Variants in GPC5 observed in about 807,000 individuals in gnomAD.
GPC5 encodes glypican-5.
Under a neutral mutation model 53.9 loss-of-function variants are expected in GPC5, and 47 were observed. The observed-to-expected ratio is 0.87, with a 90% CI of 0.69 to 1.11. The LOEUF (loss-of-function observed/expected upper bound fraction) is 1.11, where lower values mean the gene tolerates loss of function less well. Ranked by LOEUF, GPC5 falls within the 50% of genes most tolerant of loss-of-function variation. The pLI is 0.00. For synonymous variants in GPC5, 286 were observed against 263.3 expected (o/e 1.09, Z -0.84); for missense variants, 748 against 713.1 (o/e 1.05, Z -0.56).
chr13:91,997,694 C>CT (rs1163848392), intron 6 of GPC5, among the ~76,000 whole-genome samples: 3 of 151,880 alleles, frequency 2.0e-5, no homozygotes, highest in Non-Finnish European at 4.4e-5. Flanking sequence ...AATTTTTTGT[C>CT]TTTTTAGTAG....
At chr13:91,807,984 T>A (rs1294922720) in intron 5 of GPC5, among the ~76,000 whole-genome samples, 1 of 152,170 alleles carries the variant, frequency 6.6e-6, no homozygotes, top group Non-Finnish European at 1.5e-5. Context: ...AGTTCACTGT[T>A]GAATGTATTT....
intron 2 of GPC5, among the ~76,000 whole-genome samples, chr13:91,504,345 A>G (rs1157866432): frequency 1.3e-5 from 2 of 152,140 alleles, no homozygotes; most frequent in Non-Finnish European, 2.9e-5. Flanking sequence ...GTCAGGAAGA[A>G]TATCAGGAAT....
intron 6 of GPC5, among the ~76,000 whole-genome samples, chr13:92,009,123 T>C (rs1261385738): frequency 6.6e-6 from 1 of 152,180 alleles, no homozygotes; most frequent in Non-Finnish European, 1.5e-5. Flanking sequence ...ATCTCTTTCA[T>C]TTCTGGTTAT....
intron 7 of GPC5, among the ~76,000 whole-genome samples, chr13:92,496,842 G>A (rs890129165): frequency 2.6e-5 from 4 of 152,184 alleles, no homozygotes; most frequent in East Asian, 1.9e-4. Flanking sequence ...TGTTACTGGC[G>A]GCAAATCCAT....
intron 5 of GPC5, among the ~76,000 whole-genome samples, chr13:91,827,286 C>T (rs1221938633): frequency 6.6e-6 from 1 of 151,806 alleles, no homozygotes; most frequent in Non-Finnish European, 1.5e-5. Context: ...ATCTTCTTGA[C>T]TTATAGCACA....
chr13:92,084,170 A>G (rs1369526034), intron 6 of GPC5, among the ~76,000 whole-genome samples: 1 of 152,174 alleles, frequency 6.6e-6, no homozygotes, highest in Non-Finnish European at 1.5e-5. Context: ...GCTAGTGAAC[A>G]GGGGCCTTGA....
chr13:92,450,033 TCCAAA>T (rs926953292), intron 7 of GPC5, among the ~76,000 whole-genome samples: 8 of 152,222 alleles, frequency 5.3e-5, no homozygotes, highest in Admixed American at 4.6e-4. Flanking sequence ...TATGTCAAAC[TCCAAA>T]CAAAAGGAAA....
rs1397504327 is a variant in GPC5, at chr13:92,031,766, A to G, written c.1402-113064A>G. On this transcript the variant is annotated intron_variant, in intron 6 of 7. Coordinates refer to ENST00000377067, the MANE Select transcript of GPC5 (RefSeq NM_004466.6). ...TATAATATATATTATATTACATATT[A>G]TATATAATATATAATATATTACATA... Among the ~76,000 whole-genome samples, 2 of 95,418 alleles carry G rather than the reference A, an allele frequency of 2.1e-5. 1 individual carries two copies. The highest frequency in any genetic ancestry group is 5.0e-4 in the South Asian group (2 of 3,964). 62.6% of individuals were successfully genotyped at this position (95,418 alleles called of 152,430 possible).
chr13:91,502,560 G>T (rs1469759131), intron 2 of GPC5, among the ~76,000 whole-genome samples: 1 of 152,128 alleles, frequency 6.6e-6, no homozygotes, highest in African/African-American at 2.4e-5. Flanking sequence ...GGCAGGGCAG[G>T]GTTAGAAAAT....
At chr13:92,037,947 C>T (rs558928436) in intron 6 of GPC5, among the ~76,000 whole-genome samples, 12 of 152,140 alleles carry the variant, frequency 7.9e-5, no homozygotes, top group African/African-American at 2.7e-4. Flanking sequence ...TAAAAATGAT[C>T]GTTCTGGCTG....
intron 5 of GPC5, among the ~76,000 whole-genome samples, chr13:91,773,324 C>T (rs2037657993): frequency 6.6e-6 from 1 of 151,960 alleles, no homozygotes; most frequent in African/African-American, 2.4e-5. Context: ...ATACATAATA[C>T]AATATAGAGA....
chr13:92,168,458 C>T (rs1593954974), intron 7 of GPC5, among the ~76,000 whole-genome samples: 1 of 152,142 alleles, frequency 6.6e-6, no homozygotes, highest in East Asian at 1.9e-4. Context: ...GTTCGAATGT[C>T]CAAAATCTAT....
rs951329187 is a variant in GPC5 at position 92,543,077 on chromosome 13, T to A, written c.1562-323205T>A. Among the ~76,000 whole-genome samples, 3 of 152,026 alleles carry A rather than the reference T, an allele frequency of 2.0e-5. No homozygotes were observed. The South Asian group carries it at 6.2e-4, about 32-fold the overall frequency. Reference sequence around the variant, plus strand: ...TACATTAAATAAGTGTTGCATGCCTTTTCTCACCTCTTCATCTTCTGCAAC... The same window carrying A: ...TACATTAAATAAGTGTTGCATGCCTATTCTCACCTCTTCATCTTCTGCAAC... On this transcript the variant is annotated intron_variant, in intron 7 of 7. Coordinates refer to ENST00000377067, the MANE Select transcript of GPC5 (RefSeq NM_004466.6).
intron 7 of GPC5, among the ~76,000 whole-genome samples, chr13:92,215,161 T>C (rs760066543): frequency 6.6e-6 from 1 of 152,170 alleles, no homozygotes; most frequent in Non-Finnish European, 1.5e-5. Flanking sequence ...ATTATATCCA[T>C]GTGAAAAACA....
At chr13:92,649,590 A>G (rs1424620013) in intron 7 of GPC5, among the ~76,000 whole-genome samples, 1 of 152,114 alleles carries the variant, frequency 6.6e-6, no homozygotes, top group Non-Finnish European at 1.5e-5. Flanking sequence ...GTAGAATTAC[A>G]AGGGATAACA....
At chr13:91,760,229 C>T (rs1196222322) in intron 5 of GPC5, among the ~76,000 whole-genome samples, 1 of 152,132 alleles carries the variant, frequency 6.6e-6, no homozygotes, top group East Asian at 1.9e-4. Context: ...AGAGTTAATA[C>T]ATATGCTTCA....
At position 92,695,101 on chromosome 13, in the gene GPC5, A is replaced by T. The variant is rs533509930; in HGVS notation, c.1562-171181A>T. Among the ~76,000 whole-genome samples the T allele has an allele frequency of 9.8e-5, 15 of 152,338 alleles. No homozygotes were observed. In the East Asian group the frequency reaches 2.7e-3, roughly 27 times the overall value. ...CATGAGGCCTCCCTAGCCATGCAGAACTGTGAGTCAATTAAACCTCTTTCC... is the reference window on the plus strand; with the variant it reads ...CATGAGGCCTCCCTAGCCATGCAGATCTGTGAGTCAATTAAACCTCTTTCC... On this transcript the variant is annotated intron_variant, in intron 7 of 7. Coordinates refer to ENST00000377067, the MANE Select transcript of GPC5 (RefSeq NM_004466.6).
At chr13:91,930,345 C>T (rs1258623790) in intron 6 of GPC5, among the ~76,000 whole-genome samples, 1 of 151,960 alleles carries the variant, frequency 6.6e-6, no homozygotes, top group Non-Finnish European at 1.5e-5. Flanking sequence ...ACATATCCAA[C>T]CTCAAATATA....
intron 7 of GPC5, among the ~76,000 whole-genome samples, chr13:92,571,181 G>A (rs1883010888): frequency 6.6e-6 from 1 of 152,182 alleles, no homozygotes; most frequent in Admixed American, 6.5e-5. Flanking sequence ...ACAAACAGCT[G>A]AGGCAAGGAT....
Sources: gnomAD v4.1 joint callset for allele counts (sites outside exome capture counted in the v4.1 genomes callset) on GRCh38, gnomAD v4.1.1 for gene constraint, MANE v1.5 for transcripts, NCBI Gene and HGNC (gene_info 2026-07-23, HGNC 2026-07-21) for gene names.